MITF: variants seen among roughly 807,000 people sequenced by gnomAD.
MITF encodes melanocyte inducing transcription factor, also known as microphthalmia-associated transcription factor.
In MITF, 17 loss-of-function variants were observed where a neutral mutation model predicts 60.5. The observed-to-expected ratio is 0.28, with a 90% CI of 0.19 to 0.42. The LOEUF is 0.42. Among genes scored for constraint, MITF ranks in the 10% least tolerant of loss-of-function variants. The pLI is 1.00. For synonymous variants in MITF, 260 were observed against 248.5 expected (o/e 1.05, Z -0.43); for missense variants, 622 against 683.5 (o/e 0.91, Z 1.00).
intron 2 of MITF, among the ~76,000 whole-genome samples, chr3:69,927,670 G>A (rs1270971883): frequency 6.6e-6 from 1 of 152,212 alleles, no homozygotes; most frequent in African/African-American, 2.4e-5. Context: ...ACTGAGGGCT[G>A]TTTTGTCCCC....
chr3:69,844,342 A>C (rs545125106), intron 1 of MITF, among the ~76,000 whole-genome samples: 121 of 152,334 alleles, frequency 7.9e-4, no homozygotes, highest in Non-Finnish European at 1.5e-3. Context: ...CTGATCTTTG[A>C]CAAACCTGAC....
intron 1 of MITF, among the ~76,000 whole-genome samples, chr3:69,748,052 A>G (rs1703796436): frequency 6.6e-6 from 1 of 150,826 alleles, no homozygotes. Flanking sequence ...TGTTGTGAAA[A>G]TGTCAGTGTT....
chr3:69,878,123 A>G (rs950859294), intron 1 of MITF, among the ~76,000 whole-genome samples: 2 of 152,142 alleles, frequency 1.3e-5, no homozygotes, highest in Admixed American at 1.3e-4. Context: ...CAAAATCCCT[A>G]GGAAGTAGGG....
intron 1 of MITF, among the ~76,000 whole-genome samples, chr3:69,747,585 A>G (rs1703776965): frequency 6.6e-6 from 1 of 152,280 alleles, no homozygotes; most frequent in Non-Finnish European, 1.5e-5. Flanking sequence ...AGGGTTACCC[A>G]TAGGACTGAA....
rs375634323 is a variant in MITF at position 69,809,222 on chromosome 3, G to A, written c.104+69521G>A. 2.0e-5 allele frequency among the ~76,000 whole-genome samples: 3 copies of A among 152,244 alleles called. No homozygotes were observed. The East Asian group carries it at 5.8e-4, about 29-fold the overall frequency. Reference sequence around the variant, plus strand: ...AAATGGAAGCATTGCTCAGAAAATAGGATAAGGAATGGGGTGAATGTGGGG... The same window carrying A: ...AAATGGAAGCATTGCTCAGAAAATAAGATAAGGAATGGGGTGAATGTGGGG... On this transcript the variant is annotated intron_variant, in intron 1 of 9. Transcript: ENST00000352241.
At chr3:69,961,001 A>C (rs1281229551) in intron 9 of MITF, among the ~76,000 whole-genome samples, 1 of 152,204 alleles carries the variant, frequency 6.6e-6, no homozygotes, top group East Asian at 1.9e-4. Context: ...CCCCTCCTCT[A>C]CTTTGGCTTT....
intron 2 of MITF, among the ~76,000 whole-genome samples, chr3:69,906,561 A>G (rs755681668): frequency 6.6e-6 from 1 of 152,202 alleles, no homozygotes; most frequent in Non-Finnish European, 1.5e-5. Context: ...TATCTGAAGC[A>G]TTTCAGAATT....
At chr3:69,848,923 T>C (rs899750208) in intron 1 of MITF, among the ~76,000 whole-genome samples, 2 of 152,034 alleles carry the variant, frequency 1.3e-5, no homozygotes, top group East Asian at 3.9e-4. Flanking sequence ...AGAGATAGCT[T>C]TTTGCACTGG....
intron 1 of MITF, among the ~76,000 whole-genome samples, chr3:69,742,205 G>GC (rs77318117): frequency 0.22 from 33,705 of 151,980 alleles, 4,265 homozygotes; most frequent in East Asian, 0.57. Flanking sequence ...AGGTGATTTT[G>GC]CCCCTGGGGT....
At chr3:69,828,945 AGTGTGTGT>A (rs3044611) in intron 1 of MITF, among the ~76,000 whole-genome samples, 46,955 of 149,942 alleles carry the variant, frequency 0.31, 8,779 homozygotes, top group Non-Finnish European at 0.43. Flanking sequence ...ATATCGTGTG[AGTGTGTGT>A]GTGTGTGTGT....
At chr3:69,835,134 C>T (rs1279947146) in intron 1 of MITF, among the ~76,000 whole-genome samples, 2 of 139,504 alleles carry the variant, frequency 1.4e-5, no homozygotes, top group African/African-American at 5.3e-5. Context: ...CATCCCATTT[C>T]AATCTCCCAA....
intron 1 of MITF, among the ~76,000 whole-genome samples, chr3:69,876,037 C>T (rs13325667): frequency 0.025 from 3,760 of 152,174 alleles, 141 homozygotes; most frequent in African/African-American, 0.083. Context: ...GGTTTCTTTT[C>T]ACTTATACTG....
At chr3:69,878,088 A>G (rs977578273) in intron 1 of MITF, among the ~76,000 whole-genome samples, 3 of 152,198 alleles carry the variant, frequency 2.0e-5, no homozygotes, top group East Asian at 1.9e-4. Flanking sequence ...TAGGGCATTT[A>G]TGTGCCTTGT....
intron 2 of MITF, among the ~76,000 whole-genome samples, chr3:69,894,653 C>T (rs1322324379): frequency 2.0e-5 from 3 of 151,048 alleles, no homozygotes; most frequent in Admixed American, 1.3e-4. Flanking sequence ...GCCATTGCAC[C>T]CCAGCCTGAG....
chr3:69,791,576 A>G (rs2062740630), intron 1 of MITF, among the ~76,000 whole-genome samples: 1 of 152,234 alleles, frequency 6.6e-6, no homozygotes, highest in South Asian at 2.1e-4. Flanking sequence ...CTTCATGGCA[A>G]GTTAAGAAGA....
intron 1 of MITF, among the ~76,000 whole-genome samples, chr3:69,809,959 T>C (rs2063074690): frequency 6.6e-6 from 1 of 152,218 alleles, no homozygotes; most frequent in South Asian, 2.1e-4. Flanking sequence ...TAGTTTATAC[T>C]TAGAGATTCT....
chr3:69,905,731 G>A (rs1178706281), intron 2 of MITF, among the ~76,000 whole-genome samples: 1 of 151,086 alleles, frequency 6.6e-6, no homozygotes, highest in South Asian at 2.1e-4. Context: ...TTTTAAATTT[G>A]CATTTCCCTA....
Position 69,953,329 on chromosome 3 carries a change from A to T in MITF, c.955+1443A>T, listed in dbSNP as rs1037577862. 2.0e-5 allele frequency among the ~76,000 whole-genome samples: 3 copies of T among 152,102 alleles called. 1 individual carries two copies. Among genetic ancestry groups the T allele is most frequent in the Admixed American group, 2.0e-4 (3 of 15,256 alleles). Reference sequence around the variant, plus strand: ...CTTGTCAAAAACAATAGATACCTGTAATTAGGCACCTGAACTCTCAAGGTC... The same window carrying T: ...CTTGTCAAAAACAATAGATACCTGTTATTAGGCACCTGAACTCTCAAGGTC... On this transcript the variant is annotated intron_variant, in intron 7 of 9. Transcript: ENST00000352241.
intron 1 of MITF, among the ~76,000 whole-genome samples, chr3:69,827,240 G>A (rs1291155855): frequency 1.3e-5 from 2 of 152,196 alleles, no homozygotes; most frequent in East Asian, 3.8e-4. Flanking sequence ...GTCTTCAACA[G>A]ACACTGTGGT....
Sources: allele counts gnomAD v4.1 joint callset (sites outside exome capture counted in the v4.1 genomes callset), GRCh38; gene constraint gnomAD v4.1.1; transcripts MANE v1.5; gene names NCBI Gene and HGNC (gene_info 2026-07-23, HGNC 2026-07-21).